ITGA4: variants seen among roughly 807,000 people sequenced by gnomAD.
ITGA4 encodes the protein integrin alpha-4.
ITGA4 carries 63 observed loss-of-function variants against 133.6 expected under a neutral mutation model. The observed-to-expected ratio is 0.47, with a 90% CI of 0.38 to 0.58. ITGA4 has a LOEUF of 0.58. ITGA4 is among the 20% of genes least tolerant of loss of function. The probability of loss-of-function intolerance (pLI) is 0.00; values close to 1 mark genes in which losing one functional copy is unlikely to be tolerated. For missense variants in ITGA4, 1,076 were observed against 1,252.7 expected (o/e 0.86, Z 2.13); for synonymous variants, 483 against 438.0 (o/e 1.10, Z -1.28).
rs1182225398 is a variant in ITGA4, at chr2:181,493,333, A to G, written c.1162A>G (p.Ile388Val). Residue 388 changes from isoleucine (I) to valine (V), a missense_variant, in exon 11 of 28, where the codon ATC becomes GTC. Around this residue, in one of 4 missense-constraint regions of ITGA4, gnomAD observed 436 missense variants for 590.7 expected, o/e 0.74. Transcript: ENST00000397033. ...TTTAAATTATTGGATAGATGTTGCT[A>G]TCGGAGCTCCACAAGAAGATGACTT... ...IDNDGFEDVA[I>V]GAPQEDDLQG... 1.9e-6 allele frequency: 3 copies of G among 1,603,766 alleles called. No homozygotes were observed. Among genetic ancestry groups the G allele is most frequent in the Admixed American group, 1.7e-5 (1 of 59,100 alleles).
chr2:181,460,222 C>A (rs1685235723), intron 2 of ITGA4, among the ~76,000 whole-genome samples: 2 of 152,126 alleles, frequency 1.3e-5, no homozygotes, highest in South Asian at 4.1e-4. Context: ...GGAAAAAAGG[C>A]AAGATTCCTA....
At chr2:181,463,048 A>G (rs1023136854) in intron 2 of ITGA4, among the ~76,000 whole-genome samples, 1 of 152,198 alleles carries the variant, frequency 6.6e-6, no homozygotes, top group Non-Finnish European at 1.5e-5. Flanking sequence ...AAAGTGATGC[A>G]TTCCTGAAGA....
intron 16 of ITGA4, among the ~76,000 whole-genome samples, chr2:181,510,917 A>G (rs1383956526): frequency 3.6e-5 from 3 of 84,172 alleles, no homozygotes; most frequent in South Asian, 2.7e-4. Context: ...GAAATGGCAG[A>G]AAAAAAAATC....
Position 181,509,696 on chromosome 2 carries a change from A to T in ITGA4, c.1734A>T (p.Glu578Asp). 1.9e-6 allele frequency: 3 copies of T among 1,610,044 alleles called. No individual in the cohort carries two copies. The highest frequency in any genetic ancestry group is 2.5e-6 in the Non-Finnish European group (3 of 1,178,128). Residue 578 changes from glutamate to aspartate, a missense_variant, in exon 16 of 28, where the codon GAA becomes GAT. Glu to Asp is a conservative substitution (Grantham distance 45). Coordinates refer to ENST00000397033, the MANE Select transcript of ITGA4 (RefSeq NM_000885.6). The part of the protein sequence containing the change: ...VRDILTPIQI[E>D]AAYHLGPHVI... ...ACATCCTCACCCCAATTCAGATTGA[A>T]GCTGCTTACCACCTTGGTCCTCATG...
intron 2 of ITGA4, among the ~76,000 whole-genome samples, chr2:181,471,145 A>C (rs1381837268): frequency 6.6e-6 from 1 of 152,178 alleles, no homozygotes; most frequent in Non-Finnish European, 1.5e-5. Context: ...GACTATTTCC[A>C]TGAACTTTCT....
chr2:181,534,107 A>G (rs1290819734), intron 25 of ITGA4, among the ~76,000 whole-genome samples, 165 bp from the exon 26 acceptor site: 1 of 152,240 alleles, frequency 6.6e-6, no homozygotes, highest in African/African-American at 2.4e-5. Flanking sequence ...ATTAATACCA[A>G]GACCACACTT....
intron 9 of ITGA4, among the ~76,000 whole-genome samples, chr2:181,485,149 C>T (rs1461358968): frequency 6.6e-6 from 1 of 152,162 alleles, no homozygotes; most frequent in East Asian, 1.9e-4. Context: ...CATGTCACTC[C>T]TCAACTCAGA....
intron 17 of ITGA4, among the ~76,000 whole-genome samples, chr2:181,512,051 A>G (rs557204678): frequency 8.5e-4 from 129 of 152,234 alleles, no homozygotes; most frequent in Non-Finnish European, 1.4e-3. Flanking sequence ...GGAAATAGAT[A>G]TGTGTTTTAG....
At chr2:181,462,086 A>G (rs1685294891) in intron 2 of ITGA4, among the ~76,000 whole-genome samples, 1 of 152,146 alleles carries the variant, frequency 6.6e-6, no homozygotes, top group Non-Finnish European at 1.5e-5. Context: ...ATGGGCTTGT[A>G]TTATATTTCT....
chr2:181,485,007 G>A (rs1311359290), intron 9 of ITGA4, among the ~76,000 whole-genome samples: 1 of 152,058 alleles, frequency 6.6e-6, no homozygotes, highest in Non-Finnish European at 1.5e-5. Context: ...GAAGAGAACT[G>A]GTAGCTGTTA....
At chr2:181,526,821 C>CTTTTTTT (rs538208494) in intron 21 of ITGA4, among the ~76,000 whole-genome samples, 2,693 of 40,948 alleles carry the variant, frequency 0.066, 912 homozygotes, top group Non-Finnish European at 0.11. Flanking sequence ...AGCACATGGC[C>CTTTTTTT]TTTTTTTTTT....
chr2:181,498,899 C>A, intron 15 of ITGA4, 122 bp downstream of exon 15: 1 of 1,352,210 alleles, frequency 7.4e-7, no homozygotes, highest in Non-Finnish European at 9.5e-7. Context: ...CCCTCCTGAA[C>A]TATGACCTGT....
At position 181,472,561 on chromosome 2, in the gene ITGA4, T is replaced by G. The variant is rs559644165; in HGVS notation, c.320-2399T>G. 2.0e-5 allele frequency among the ~76,000 whole-genome samples: 3 copies of G among 152,348 alleles called. No individual in the cohort carries two copies. In the South Asian group the frequency reaches 6.2e-4, roughly 32 times the overall value. On this transcript the variant is annotated intron_variant, in intron 2 of 27. Coordinates refer to ENST00000397033, the MANE Select transcript of ITGA4 (RefSeq NM_000885.6). ...AGAGGGAACTTATTAACATGGCTAT[T>G]GTAGTAAATAACAGGAACTTCATGT...
intron 15 of ITGA4, among the ~76,000 whole-genome samples, chr2:181,509,296 C>T (rs556936400): frequency 1.3e-5 from 2 of 150,192 alleles, no homozygotes; most frequent in African/African-American, 2.5e-5. Flanking sequence ...GGATAAAAAG[C>T]ACCTTGAAAT....
rs1161793862 is a variant in ITGA4, at chr2:181,458,263, T to A, written c.265T>A (p.Tyr89Asn). 6.2e-7 allele frequency: 1 copy of A among 1,613,362 alleles called. No individual in the cohort carries two copies. The highest frequency in any genetic ancestry group is 8.5e-7 in the Non-Finnish European group (1 of 1,179,756). Residue 89 changes from tyrosine to asparagine, a missense_variant, in exon 2 of 28, where the codon TAC (tyrosine) becomes AAC (asparagine). Transcript: ENST00000397033. ...TTCAGTGATCAATCCCGGGGCGATT[T>A]ACAGATGCAGGATCGGAAAGAATCC... ...NASVINPGAIYRCRIGKNPGQ... is the reference protein window; with the variant it reads ...NASVINPGAINRCRIGKNPGQ...
Position 181,498,784 on chromosome 2 carries a change from T to C in ITGA4, c.1695+7T>C. 2 of 1,584,380 alleles carry C rather than the reference T, an allele frequency of 1.3e-6. No individual in the cohort carries two copies. Among genetic ancestry groups the C allele is most frequent in the South Asian group, 1.2e-5 (1 of 84,954 alleles). ...ACATCAAGCATTTATGCGGGTAATG[T>C]AAGCTATTTTTTATTAATGAATATG... is the stretch of plus-strand genomic sequence containing the variant. On this transcript the variant is annotated splice_region_variant and intron_variant, in intron 15 of 27. Coordinates refer to ENST00000397033, the MANE Select transcript of ITGA4 (RefSeq NM_000885.6).
chr2:181,522,229 T>G lies in ITGA4; in HGVS notation c.1961T>G (p.Met654Arg). The G allele has an allele frequency of 1.9e-6, 3 of 1,605,248 alleles. No individual in the cohort carries two copies. Among genetic ancestry groups the G allele is most frequent in the Non-Finnish European group, 2.6e-6 (3 of 1,173,196 alleles). Reference sequence around the variant, plus strand: ...AAAACATATCTTGCTGTTGGGAGTATGAAGACATTGATGTTGAATGTGTCC... The same window carrying G: ...AAAACATATCTTGCTGTTGGGAGTAGGAAGACATTGATGTTGAATGTGTCC... ...ENKTYLAVGS[M>R]KTLMLNVSLF... is the part of the protein sequence containing the mutation. Residue 654 changes from methionine to arginine, a missense_variant, in exon 18 of 28, where the codon ATG becomes AGG. By Grantham distance (91) the Met-to-Arg change is moderately conservative. This residue lies in a region of ITGA4 where 365 missense variants were observed against 421.4 expected (regional missense o/e 0.87). Coordinates refer to ENST00000397033, the MANE Select transcript of ITGA4 (RefSeq NM_000885.6).
chr2:181,519,639 G>A (rs1278095741), intron 17 of ITGA4, among the ~76,000 whole-genome samples: 1 of 152,076 alleles, frequency 6.6e-6, no homozygotes, highest in Non-Finnish European at 1.5e-5. Context: ...ATTTTGCCAT[G>A]GTCATATGAT....
chr2:181,471,044 A>C (rs1025148725), intron 2 of ITGA4, among the ~76,000 whole-genome samples: 3 of 152,184 alleles, frequency 2.0e-5, no homozygotes, highest in Non-Finnish European at 2.9e-5. Context: ...AGTGTTAAGA[A>C]GTGAAAAGGG....
Sources: gnomAD v4.1 joint callset for allele counts (sites outside exome capture counted in the v4.1 genomes callset) on GRCh38, gnomAD v4.1.1 for gene constraint, gnomAD v4.1.1 regional missense constraint, MANE v1.5 for transcripts, NCBI Gene and HGNC (gene_info 2026-07-23, HGNC 2026-07-21) for gene names.